The following CASTOR2 variants were observed in gnomAD, a reference collection of about 807,000 sequenced individuals.
The protein encoded by CASTOR2 is GATS protein like 2.
In CASTOR2, 8 loss-of-function variants were observed where a neutral mutation model predicts 31.2. That is an observed-to-expected ratio of 0.26 (90% confidence interval 0.15 to 0.46). The LOEUF (loss-of-function observed/expected upper bound fraction) is 0.46. Among genes scored for constraint, CASTOR2 ranks in the 20% least tolerant of loss-of-function variants. The pLI is 0.99. For synonymous variants in CASTOR2, 162 were observed against 158.7 expected (o/e 1.02, Z -0.16); for missense variants, 216 against 382.1 (o/e 0.57, Z 3.62).
At chr7:74,998,172 C>T (rs1336871194) in intron 1 of CASTOR2, among the ~76,000 whole-genome samples, 2 of 152,152 alleles carry the variant, frequency 1.3e-5, no homozygotes, top group Admixed American at 6.5e-5. Flanking sequence ...AACTAAGCTT[C>T]GGTTTTCCCG....
At position 75,025,587 on chromosome 7, in the gene CASTOR2, T is replaced by A. The variant is rs1161211644; in HGVS notation, c.*888T>A. ...TCCCCAACAGACAACTAGACCAGCA[T>A]AGGACTCCCCGCCGTCCTCCTCCCT... On this transcript the variant is annotated 3_prime_UTR_variant, in exon 9 of 9. Transcript: ENST00000616305. Among the ~76,000 whole-genome samples, 1 of 152,178 alleles carries A rather than the reference T, an allele frequency of 6.6e-6. No individual in the cohort carries two copies. Among genetic ancestry groups the A allele is most frequent in the Non-Finnish European group, 1.5e-5 (1 of 68,008 alleles).
rs1805125206 is a variant in CASTOR2, at chr7:75,026,189, G to GTTTTTTTTTTTGT, written c.*1501_*1502insGTTTTTTTTTTTT. On this transcript the variant is annotated 3_prime_UTR_variant, in exon 9 of 9. Coordinates refer to ENST00000616305, the MANE Select transcript of CASTOR2 (RefSeq NM_001145064.3). ...CCCTGTGGTTTTGGCTCTGGCGGGGGTTTTTTTTTTTTTTTTTGAGATGGG... is the reference window on the plus strand; with the variant it reads ...CCCTGTGGTTTTGGCTCTGGCGGGGGTTTTTTTTTTTGTTTTTTTTTTTTTTTTTTGAGATGGG... 8.5e-6 allele frequency among the ~76,000 whole-genome samples: 1 copy of GTTTTTTTTTTTGT among 117,744 alleles called. No homozygotes were observed. Among genetic ancestry groups the GTTTTTTTTTTTGT allele is most frequent in the African/African-American group, 3.2e-5 (1 of 30,772 alleles). The allele number at this position is 117,744 out of a possible 152,430, so 77.2% of individuals were successfully genotyped here.
intron 6 of CASTOR2, among the ~76,000 whole-genome samples, 172 bp from the exon 7 acceptor site, chr7:75,021,702 G>A (rs1382320167): frequency 3.3e-5 from 5 of 152,160 alleles, no homozygotes; most frequent in Non-Finnish European, 7.4e-5. Context: ...CGAGGAGGCC[G>A]CCGGGCGAAT....
In CASTOR2 at chr7:75,028,048, G is replaced by A; in HGVS notation, c.*3349G>A. 6.5e-7 allele frequency: 1 copy of A among 1,534,452 alleles called. No homozygotes were observed. Among genetic ancestry groups the A allele is most frequent in the Admixed American group, 2.0e-5 (1 of 50,950 alleles). ...CGGAGGTAATCAGAGGAGTGGGCCT[G>A]TTGTCTTGGCGCTGGCGGATGGGGC... On this transcript the variant is annotated 3_prime_UTR_variant, in exon 9 of 9. Coordinates refer to ENST00000616305, the MANE Select transcript of CASTOR2 (RefSeq NM_001145064.3).
rs1377667139 is a variant in CASTOR2, at chr7:75,013,755, T to C, written c.185-3843T>C. ...TTTTTTACGTGTGTGTGTGACTGAG[T>C]CTCGCTCTGTCACCCCGGTTGGAGT... On this transcript the variant is annotated intron_variant, in intron 2 of 8. Coordinates refer to ENST00000616305, the MANE Select transcript of CASTOR2 (RefSeq NM_001145064.3). 3.8e-4 allele frequency among the ~76,000 whole-genome samples: 58 copies of C among 152,214 alleles called. 1 individual carries two copies. Among genetic ancestry groups the C allele is most frequent in the Admixed American group, 3.7e-3 (57 of 15,276 alleles).
intron 1 of CASTOR2, among the ~76,000 whole-genome samples, chr7:74,977,999 A>G (rs1373103813): frequency 4.0e-5 from 6 of 150,388 alleles, no homozygotes; most frequent in African/African-American, 1.2e-4. Context: ...ACTGGTGTCT[A>G]GGTGCCATAT....
chr7:74,984,990 A>T (rs1302251977), intron 1 of CASTOR2, among the ~76,000 whole-genome samples: 1 of 152,132 alleles, frequency 6.6e-6, no homozygotes, highest in Non-Finnish European at 1.5e-5. Context: ...TACAAAAATT[A>T]GCTGGGTGTG....
chr7:75,015,163 C>T (rs1804838675), intron 2 of CASTOR2, among the ~76,000 whole-genome samples: 1 of 152,232 alleles, frequency 6.6e-6, no homozygotes, highest in Non-Finnish European at 1.5e-5. Flanking sequence ...CAATTTCCCT[C>T]CTCTCAGGCC....
intron 1 of CASTOR2, among the ~76,000 whole-genome samples, chr7:74,990,634 C>T (rs1554437240): frequency 0.012 from 1,893 of 152,248 alleles, 44 homozygotes; most frequent in African/African-American, 0.036. Flanking sequence ...GCGGGTGGAT[C>T]GCTTGAGGTC....
intron 7 of CASTOR2, among the ~76,000 whole-genome samples, chr7:75,023,955 C>T (rs1187152486): frequency 6.6e-6 from 1 of 152,118 alleles, no homozygotes; most frequent in Non-Finnish European, 1.5e-5. Context: ...AGAGAAGGCT[C>T]CTGGTTGGGG....
intron 1 of CASTOR2, among the ~76,000 whole-genome samples, chr7:74,984,467 AC>A (rs1463832764): frequency 6.6e-6 from 1 of 152,154 alleles, no homozygotes; most frequent in Non-Finnish European, 1.5e-5. Flanking sequence ...GGACCTGCCA[AC>A]CATGGTTGCC....
Position 75,028,974 on chromosome 7 carries a change from G to C in CASTOR2, c.*4275G>C, listed in dbSNP as rs1805221269. On this transcript the variant is annotated 3_prime_UTR_variant, in exon 9 of 9. Coordinates refer to ENST00000616305, the MANE Select transcript of CASTOR2 (RefSeq NM_001145064.3). ...AAAGGAAGGAGCTGGGGGATCAGAG[G>C]CTTCCAGTGTGGCCTCCGGAAGCAG... 6.6e-6 allele frequency among the ~76,000 whole-genome samples: 1 copy of C among 151,084 alleles called. No individual in the cohort carries two copies. The highest frequency in any genetic ancestry group is 2.4e-5 in the African/African-American group (1 of 41,072).
chr7:75,022,049 G>T, intron 7 of CASTOR2, 93 bp downstream of exon 7: 1 of 1,443,092 alleles, frequency 6.9e-7, no homozygotes, highest in Non-Finnish European at 9.5e-7. Context: ...GCCCCTGCTG[G>T]GGGGTACAGA....
Position 75,029,197 on chromosome 7 carries a change from C to T in CASTOR2, c.*4498C>T, listed in dbSNP as rs1303717140. On this transcript the variant is annotated 3_prime_UTR_variant, in exon 9 of 9. Coordinates refer to ENST00000616305, the MANE Select transcript of CASTOR2 (RefSeq NM_001145064.3). ...ACAGGCCACCTCCCACTGGCCCCCTCCTCCTGGCCACATTTTCCAGGGATA... is the reference window on the plus strand; with the variant it reads ...ACAGGCCACCTCCCACTGGCCCCCTTCTCCTGGCCACATTTTCCAGGGATA... Among the ~76,000 whole-genome samples, 1 of 152,172 alleles carries T rather than the reference C, an allele frequency of 6.6e-6. No homozygotes were observed. Among genetic ancestry groups the T allele is most frequent in the African/African-American group, 2.4e-5 (1 of 41,444 alleles).
chr7:74,984,904 G>C (rs1458115117), intron 1 of CASTOR2, among the ~76,000 whole-genome samples: 2 of 152,198 alleles, frequency 1.3e-5, no homozygotes, highest in Non-Finnish European at 2.9e-5. Flanking sequence ...GGCCGAGGCA[G>C]TCAGATCACC....
chr7:74,977,828 G>A (rs1329357479), intron 1 of CASTOR2, among the ~76,000 whole-genome samples: 5 of 150,144 alleles, frequency 3.3e-5, no homozygotes, highest in Admixed American at 2.7e-4. Context: ...GCAAGCACTC[G>A]CCACTACACC....
chr7:75,031,400 G>A lies in CASTOR2; in HGVS notation c.*6701G>A, dbSNP rs1805300868. ...CCGGGGCCCTCAAGCTTATTTTCTT[G>A]TTGAAGAAACACAAAACCCTCGAGA... On this transcript the variant is annotated 3_prime_UTR_variant, in exon 9 of 9. Transcript: ENST00000616305. Among the ~76,000 whole-genome samples the A allele has an allele frequency of 6.6e-6, 1 of 151,924 alleles. No individual in the cohort carries two copies. Among genetic ancestry groups the A allele is most frequent in the South Asian group, 2.1e-4 (1 of 4,822 alleles).
At chr7:75,021,184 G>C (rs1804993049) in intron 6 of CASTOR2, among the ~76,000 whole-genome samples, 1 of 152,006 alleles carries the variant, frequency 6.6e-6, no homozygotes, top group African/African-American at 2.4e-5. Context: ...TAGAGACAGG[G>C]TTTTGCCATG....
chr7:75,000,959 G>A (rs1198222889), intron 1 of CASTOR2, among the ~76,000 whole-genome samples: 13 of 152,128 alleles, frequency 8.5e-5, no homozygotes, highest in East Asian at 5.8e-4. Context: ...CACCGCACCC[G>A]GCAGGCCAGG....
Sources: gnomAD v4.1 joint callset for allele counts (sites outside exome capture counted in the v4.1 genomes callset) on GRCh38, gnomAD v4.1.1 for gene constraint, MANE v1.5 for transcripts, NCBI Gene and HGNC (gene_info 2026-07-23, HGNC 2026-07-21) for gene names.